Variants in ZNF438 observed in about 807,000 individuals in gnomAD.
The protein encoded by ZNF438 is zinc finger protein 438.
In ZNF438, 25 loss-of-function variants were observed where a neutral mutation model predicts 38.0. The ratio of observed to expected loss-of-function variants is 0.66; its 90% confidence interval spans 0.48 to 0.92. The LOEUF is 0.92. ZNF438 is among the 40% of genes least tolerant of loss of function. The pLI is 0.00. For synonymous variants in ZNF438, 372 were observed against 364.1 expected, an observed-to-expected ratio of 1.02 and a Z score of -0.25; for missense variants, 1,007 against 999.6, an observed-to-expected ratio of 1.01 and a Z score of -0.10.
chr10:31,021,022 G>C lies in ZNF438; in HGVS notation c.-192+10811C>G, dbSNP rs117817214. Among the ~76,000 whole-genome samples the C allele has an allele frequency of 3.5e-4, 53 of 149,870 alleles. No homozygotes were observed. In the East Asian group the frequency reaches 0.01, roughly 28 times the overall value. ...ACACAAAAGCTGTAGATTAAGGAAG[G>C]AAATAGGGGCTGCATATAAAAACAA... On this transcript the variant is annotated intron_variant, in intron 1 of 5. Transcript: ENST00000413025.
intron 1 of ZNF438, among the ~76,000 whole-genome samples, chr10:30,947,458 G>C (rs949200735): frequency 1.3e-5 from 2 of 152,266 alleles, no homozygotes; most frequent in African/African-American, 4.8e-5. Context: ...TAAGTCTGCA[G>C]AGGTTACTGC....
At chr10:30,908,659 G>A (rs940146395) in intron 3 of ZNF438, among the ~76,000 whole-genome samples, 1 of 152,194 alleles carries the variant, frequency 6.6e-6, no homozygotes, top group Admixed American at 6.5e-5. Context: ...TACAATGTAC[G>A]CTGCATATAA....
intron 3 of ZNF438, among the ~76,000 whole-genome samples, chr10:30,899,878 A>C (rs1292858285): frequency 6.6e-6 from 1 of 152,180 alleles, no homozygotes; most frequent in Non-Finnish European, 1.5e-5. Flanking sequence ...AAACAAACCA[A>C]AGTTTTCTGG....
intron 1 of ZNF438, among the ~76,000 whole-genome samples, chr10:31,023,981 T>C (rs967044042): frequency 1.3e-5 from 2 of 152,226 alleles, no homozygotes; most frequent in African/African-American, 4.8e-5. Context: ...CCAGCAAGTA[T>C]GGTTTACCAA....
rs754569057 is a variant in ZNF438, at chr10:30,903,636, C to T, written c.-32+5297G>A. On this transcript the variant is annotated intron_variant, in intron 3 of 5. Transcript: ENST00000413025. ...AGGCCAAACACATTATAAGAAGACA[C>T]GGGACTTTTGCTTGTGTTTATTACT... 5.9e-5 allele frequency among the ~76,000 whole-genome samples: 9 copies of T among 152,206 alleles called. No homozygotes were observed. The South Asian group carries it at 6.2e-4, about 11-fold the overall frequency.
chr10:30,942,525 C>G (rs774477448), intron 1 of ZNF438, among the ~76,000 whole-genome samples: 11 of 152,180 alleles, frequency 7.2e-5, no homozygotes, highest in Non-Finnish European at 1.3e-4. Context: ...ACAGCCTAAA[C>G]AATTATGCAA....
intron 3 of ZNF438, among the ~76,000 whole-genome samples, chr10:30,891,444 G>A (rs553648281): frequency 5.4e-4 from 82 of 152,066 alleles, no homozygotes; most frequent in African/African-American, 1.9e-3. Flanking sequence ...AAACTTTTCC[G>A]TAACTAAAAG....
chr10:30,949,432 T>G (rs2047883123), intron 1 of ZNF438, among the ~76,000 whole-genome samples: 1 of 152,152 alleles, frequency 6.6e-6, no homozygotes, highest in South Asian at 2.1e-4. Flanking sequence ...GACTAAATGC[T>G]CCAATTAAAA....
At position 30,857,580 on chromosome 10, in the gene ZNF438, T is replaced by C. The variant is rs923500458; in HGVS notation, c.38-7213A>G. 5.9e-5 allele frequency: 58 copies of C among 978,160 alleles called. 1 individual carries two copies. The Admixed American group carries it at 1.3e-3, about 22-fold the overall frequency. The allele number at this position is 978,160 out of a possible 1,614,324, so 60.6% of individuals were successfully genotyped here. ...TAAAATTTCTATTACCATTAAATTA[T>C]ACTAACTTTCTGAAAGCCCACTTAT... On this transcript the variant is annotated intron_variant, in intron 4 of 5. Transcript: ENST00000413025.
At chr10:30,872,466 A>G (rs1436330199) in intron 4 of ZNF438, among the ~76,000 whole-genome samples, 2 of 129,400 alleles carry the variant, frequency 1.5e-5, no homozygotes, top group Non-Finnish European at 3.3e-5. Context: ...AAAAAAAAAA[A>G]GAGGTCAGGC....
intron 3 of ZNF438, among the ~76,000 whole-genome samples, chr10:30,889,473 T>C (rs2040403616): frequency 6.6e-6 from 1 of 152,174 alleles, no homozygotes; most frequent in African/African-American, 2.4e-5. Flanking sequence ...TGGCACCATC[T>C]TGGCTCACTG....
At chr10:31,031,286 G>A (rs746488162) in intron 1 of ZNF438, among the ~76,000 whole-genome samples, 1 of 152,158 alleles carries the variant, frequency 6.6e-6, no homozygotes. Context: ...AGTGCTGTGG[G>A]AACAACCATT....
intron 4 of ZNF438, among the ~76,000 whole-genome samples, chr10:30,870,812 C>T (rs7916090): frequency 0.64 from 97,672 of 152,010 alleles, 32,510 homozygotes; most frequent in African/African-American, 0.82. Flanking sequence ...AGAATATAAA[C>T]ACTACAAATA....
At chr10:30,963,781 T>C (rs2049810264) in intron 1 of ZNF438, among the ~76,000 whole-genome samples, 1 of 151,878 alleles carries the variant, frequency 6.6e-6, no homozygotes, top group African/African-American at 2.4e-5. Flanking sequence ...ATCGGGAGGC[T>C]GAGGCAGAAG....
Position 31,029,795 on chromosome 10 carries a change from G to C in ZNF438, c.-192+2038C>G, listed in dbSNP as rs183276253. ...GGACCCCACGGCCTGCCTGGCCCTT[G>C]ACCATCATTGGCCACTACTTTCCCC... On this transcript the variant is annotated intron_variant, in intron 1 of 5. Transcript: ENST00000413025. Among the ~76,000 whole-genome samples, 192 of 152,324 alleles carry C rather than the reference G, an allele frequency of 1.3e-3. 2 individuals are homozygous for C. Among genetic ancestry groups the C allele is most frequent in the African/African-American group, 3.8e-3 (159 of 41,566 alleles).
intron 3 of ZNF438, among the ~76,000 whole-genome samples, chr10:30,895,629 C>T (rs1419927867): frequency 6.6e-6 from 1 of 151,974 alleles, no homozygotes; most frequent in African/African-American, 2.4e-5. Flanking sequence ...GATTAATATC[C>T]AGAATATATA....
At chr10:30,845,411 T>G in exon 6 of ZNF438, 2 of 1,614,162 alleles carry the variant, frequency 1.2e-6, no homozygotes, top group Non-Finnish European at 1.7e-6. Context: ...AGGTCCCTTC[T>G]TGTAGCCTGC....
At chr10:31,001,819 C>A (rs531487243) in intron 1 of ZNF438, among the ~76,000 whole-genome samples, 2 of 152,260 alleles carry the variant, frequency 1.3e-5, no homozygotes, top group Admixed American at 6.5e-5. Context: ...TACTTGTATA[C>A]CAGACCCTGA....
chr10:30,905,743 A>C (rs2042515099), intron 3 of ZNF438, among the ~76,000 whole-genome samples: 1 of 152,194 alleles, frequency 6.6e-6, no homozygotes, highest in Non-Finnish European at 1.5e-5. Flanking sequence ...TTTATCTCTT[A>C]CATTTAGGTC....
Sources: gnomAD v4.1 joint callset for allele counts (sites outside exome capture counted in the v4.1 genomes callset) on GRCh38, gnomAD v4.1.1 for gene constraint, MANE v1.5 for transcripts, NCBI Gene and HGNC (gene_info 2026-07-23, HGNC 2026-07-21) for gene names.